Variants in NTM observed in about 807,000 individuals in gnomAD.
NTM encodes the protein neurotrimin, also known as IgLON family member 2.
NTM carries 13 observed loss-of-function variants against 42.1 expected under a neutral mutation model. The observed-to-expected ratio is 0.31, with a 90% confidence interval of 0.20 to 0.49. The LOEUF (loss-of-function observed/expected upper bound fraction) is 0.49. Among genes scored for constraint, NTM ranks in the 20% least tolerant of loss-of-function variants. NTM has a pLI of 0.99. For synonymous variants in NTM, 187 were observed against 179.2 expected (o/e 1.04, Z -0.35); for missense variants, 373 against 452.8 (o/e 0.82, Z 1.60).
chr11:132,234,607 G>T (rs1399627149), intron 4 of NTM, among the ~76,000 whole-genome samples: 1 of 152,042 alleles, frequency 6.6e-6, no homozygotes, highest in African/African-American at 2.4e-5. Context: ...GGACCTCTCA[G>T]AATCCCGTAA....
At chr11:131,936,257 T>C (rs2059204961) in intron 2 of NTM, among the ~76,000 whole-genome samples, 1 of 152,234 alleles carries the variant, frequency 6.6e-6, no homozygotes, top group African/African-American at 2.4e-5. Flanking sequence ...TCAGTTTATC[T>C]TGGAATTCAT....
chr11:131,510,798 C>T (rs407897), intron 1 of NTM, among the ~76,000 whole-genome samples: 64,580 of 151,926 alleles, frequency 0.43, 14,221 homozygotes, highest in African/African-American at 0.54. Context: ...TGGAGTCCAC[C>T]GGGTCTGTGG....
intron 2 of NTM, among the ~76,000 whole-genome samples, chr11:132,043,738 G>A (rs1323789060): frequency 2.6e-5 from 4 of 152,228 alleles, no homozygotes; most frequent in African/African-American, 9.6e-5. Context: ...TGGGAAGTCT[G>A]GGGACTTACC....
intron 1 of NTM, among the ~76,000 whole-genome samples, chr11:131,421,703 A>T (rs1947545856): frequency 6.6e-6 from 1 of 152,160 alleles, no homozygotes; most frequent in African/African-American, 2.4e-5. Flanking sequence ...CTCCACCTCA[A>T]ATTTTAAACA....
chr11:131,455,001 G>T (rs1950764354), intron 1 of NTM, among the ~76,000 whole-genome samples: 2 of 152,144 alleles, frequency 1.3e-5, no homozygotes, highest in African/African-American at 4.8e-5. Context: ...TAATCAGTCT[G>T]TCATCTCCAA....
intron 2 of NTM, among the ~76,000 whole-genome samples, chr11:132,093,693 T>C (rs959008081): frequency 2.0e-5 from 3 of 152,192 alleles, no homozygotes; most frequent in Non-Finnish European, 4.4e-5. Flanking sequence ...AGGCATTGTG[T>C]TGGGCACTGT....
At chr11:132,060,962 A>T (rs1220442669) in intron 2 of NTM, among the ~76,000 whole-genome samples, 1 of 152,226 alleles carries the variant, frequency 6.6e-6, no homozygotes, top group Non-Finnish European at 1.5e-5. Context: ...TGAAGATCTA[A>T]GTGATTTTAA....
chr11:131,981,953 A>G (rs1446191260), intron 2 of NTM, among the ~76,000 whole-genome samples: 2 of 152,154 alleles, frequency 1.3e-5, no homozygotes, highest in Non-Finnish European at 2.9e-5. Flanking sequence ...CGGAAGTTGC[A>G]GTGAGCCAAG....
chr11:131,707,325 T>C (rs1188307843), intron 1 of NTM, among the ~76,000 whole-genome samples: 1 of 152,100 alleles, frequency 6.6e-6, no homozygotes, highest in African/African-American at 2.4e-5. Flanking sequence ...GAATGAAGAA[T>C]TTCCCCTTTT....
intron 1 of NTM, among the ~76,000 whole-genome samples, chr11:131,687,636 C>T (rs73583673): frequency 0.013 from 1,907 of 152,314 alleles, 53 homozygotes; most frequent in African/African-American, 0.042. Flanking sequence ...CCAAGTGCCT[C>T]GGGTGGGAGT....
intron 1 of NTM, among the ~76,000 whole-genome samples, chr11:131,725,047 T>C (rs2078796453): frequency 6.6e-6 from 1 of 152,142 alleles, no homozygotes; most frequent in African/African-American, 2.4e-5. Flanking sequence ...ATCTTGTTCT[T>C]CCTGAATTCT....
intron 2 of NTM, among the ~76,000 whole-genome samples, chr11:131,943,877 A>G (rs2060068323): frequency 6.6e-6 from 1 of 151,998 alleles, no homozygotes; most frequent in African/African-American, 2.4e-5. Flanking sequence ...TTGCTCTCTT[A>G]GAGCCTGGCA....
chr11:131,571,851 C>T (rs1287783114), intron 1 of NTM, among the ~76,000 whole-genome samples: 2 of 152,158 alleles, frequency 1.3e-5, no homozygotes, highest in Non-Finnish European at 2.9e-5. Flanking sequence ...AGCACAGAGA[C>T]TCCTTTTTGG....
intron 2 of NTM, among the ~76,000 whole-genome samples, chr11:131,964,680 A>G (rs1451029969): frequency 2.0e-5 from 3 of 152,168 alleles, no homozygotes; most frequent in East Asian, 1.9e-4. Flanking sequence ...CCTGTGATCA[A>G]TGGCTAGATC....
At chr11:131,912,540 C>T (rs939386847) in intron 2 of NTM, among the ~76,000 whole-genome samples, 3 of 152,136 alleles carry the variant, frequency 2.0e-5, no homozygotes, top group African/African-American at 7.2e-5. Context: ...CTCTCATATG[C>T]GGGCAAAACA....
intron 1 of NTM, among the ~76,000 whole-genome samples, chr11:131,430,749 A>T (rs1170272889): frequency 6.6e-6 from 1 of 152,142 alleles, no homozygotes; most frequent in Non-Finnish European, 1.5e-5. Context: ...TCTGCCCCCC[A>T]CCATGGGCCT....
At chr11:132,178,120 C>T (rs146708527) in intron 3 of NTM, among the ~76,000 whole-genome samples, 28 of 152,226 alleles carry the variant, frequency 1.8e-4, no homozygotes, top group Non-Finnish European at 1.8e-4. Context: ...AGCTGATAGA[C>T]GTCTTAGATA....
At chr11:132,153,913 T>C (rs901475009) in intron 3 of NTM, among the ~76,000 whole-genome samples, 1 of 152,230 alleles carries the variant, frequency 6.6e-6, no homozygotes, top group Non-Finnish European at 1.5e-5. Flanking sequence ...TAATTGAATT[T>C]ACCTGCAAGA....
rs61603794 is a variant in NTM, at chr11:132,292,787, T to TAAAAAAAA, written c.527-14883_527-14876dup. Among the ~76,000 whole-genome samples, 509 of 56,416 alleles carry TAAAAAAAA rather than the reference T, an allele frequency of 9.0e-3. 3 individuals carry two copies. Among genetic ancestry groups the TAAAAAAAA allele is most frequent in the Non-Finnish European group, 0.01 (345 of 32,954 alleles). 37.0% of individuals were successfully genotyped at this position (56,416 alleles called of 152,430 possible). ...AATTTTATCAAAAGGGATGTAAAAG[T>TAAAAAAAA]AAAAAAAAAAAAAAAAAAAAAAAAA... On this transcript the variant is annotated intron_variant, in intron 4 of 8. Coordinates refer to ENST00000683400, the MANE Select transcript of NTM (RefSeq NM_001352005.2).
Sources: gnomAD v4.1 joint callset for allele counts (sites outside exome capture counted in the v4.1 genomes callset) on GRCh38, gnomAD v4.1.1 for gene constraint, MANE v1.5 for transcripts, NCBI Gene and HGNC (gene_info 2026-07-23, HGNC 2026-07-21) for gene names.